KIAA0753: variants seen among roughly 807,000 people sequenced by gnomAD.
The protein encoded by KIAA0753 is protein moonraker.
In KIAA0753, 114 loss-of-function variants were observed where a neutral mutation model predicts 116.9. The ratio of observed to expected loss-of-function variants is 0.98; its 90% confidence interval spans 0.84 to 1.14. KIAA0753 has a LOEUF of 1.14. KIAA0753 is among the 50% of genes most tolerant of loss of function. The pLI is 0.00. For missense variants in KIAA0753, 1,156 were observed against 1,172.4 expected, an observed-to-expected ratio of 0.99 and a Z score of 0.20; for synonymous variants, 405 against 413.1, an observed-to-expected ratio of 0.98 and a Z score of 0.24.
Position 6,591,122 on chromosome 17 carries a change from T to C in KIAA0753, c.2441-492A>G, listed in dbSNP as rs574627590. Among the ~76,000 whole-genome samples the C allele has an allele frequency of 4.3e-3, 659 of 151,670 alleles. 3 individuals are homozygous for C. The highest frequency in any genetic ancestry group is 8.2e-3 in the Non-Finnish European group (559 of 67,768). The stretch of plus-strand genomic sequence containing the variant: ...AGAAGAAGAAGAAAACACTCACACC[T>C]GAACACTTAATTAGTTGATTTAATT... On this transcript the variant is annotated intron_variant, in intron 16 of 18. Coordinates refer to ENST00000361413, the MANE Select transcript of KIAA0753 (RefSeq NM_014804.3).
rs1481503292 is a variant in KIAA0753, at chr17:6,623,546, T to C, written c.851A>G (p.Asp284Gly). 6.2e-7 allele frequency: 1 copy of C among 1,610,808 alleles called. No homozygotes were observed. The highest frequency in any genetic ancestry group is 1.3e-5 in the African/African-American group (1 of 74,930). ...TTTAATTTTATGTGGACTCAATTTA[T>C]CCAATTCTTCCTGGATTTCTTTTAC... Reference protein sequence around the residue: ...QQVKEIQEELDKLSPHKIKHT... With the variant: ...QQVKEIQEELGKLSPHKIKHT... Residue 284 changes from aspartate to glycine, a missense_variant, in exon 5 of 19, where the codon GAT (aspartate) becomes GGT (glycine). Transcript: ENST00000361413.
Position 6,579,713 on chromosome 17 carries a change from AG to A in KIAA0753, c.*33del. 1 of 1,431,754 alleles carries A rather than the reference AG, an allele frequency of 7.0e-7. No individual in the cohort carries two copies. The highest frequency in any genetic ancestry group is 1.1e-5 in the South Asian group (1 of 87,364). 88.7% of individuals were successfully genotyped at this position (1,431,754 alleles called of 1,614,324 possible). A position where few individuals can be genotyped will look rare whatever the true frequency, so the allele number is the denominator to read the frequency against. On this transcript the variant is annotated 3_prime_UTR_variant, in exon 19 of 19. Transcript: ENST00000361413. Reference sequence around the variant, plus strand: ...CAAAGGGTGGTGCCATCCCTTCTCCAGTGTGACACAAATGGCCTCGCCTCAG... The same window carrying A: ...CAAAGGGTGGTGCCATCCCTTCTCCATGTGACACAAATGGCCTCGCCTCAG...
chr17:6,625,130 T>C (rs1971582718), intron 3 of KIAA0753, among the ~76,000 whole-genome samples: 1 of 152,240 alleles, frequency 6.6e-6, no homozygotes, highest in South Asian at 2.1e-4. Flanking sequence ...TGGACAGCGA[T>C]TTCACTATGA....
intron 12 of KIAA0753, among the ~76,000 whole-genome samples, chr17:6,604,305 G>T (rs1970057904): frequency 6.6e-6 from 1 of 150,780 alleles, no homozygotes. Context: ...GCAGTGACAT[G>T]ATCATGGCTC....
At chr17:6,593,866 C>G (rs1156587478) in intron 16 of KIAA0753, among the ~76,000 whole-genome samples, 1 of 152,134 alleles carries the variant, frequency 6.6e-6, no homozygotes, top group South Asian at 2.1e-4. Context: ...GCCTGGGGAA[C>G]AGAGTGAAAC....
At chr17:6,594,785 C>A (rs992160729) in intron 16 of KIAA0753, among the ~76,000 whole-genome samples, 187 bp downstream of exon 16, 16 of 151,896 alleles carry the variant, frequency 1.1e-4, no homozygotes, top group African/African-American at 3.1e-4. Flanking sequence ...CTTTGAAATG[C>A]GAACATAAGA....
chr17:6,626,025 G>C (rs1281669931), intron 3 of KIAA0753, among the ~76,000 whole-genome samples: 1 of 152,210 alleles, frequency 6.6e-6, no homozygotes, highest in African/African-American at 2.4e-5. Flanking sequence ...CAAAAGACAA[G>C]TCTTTTCTCT....
At chr17:6,591,885 G>A (rs1318048597) in intron 16 of KIAA0753, among the ~76,000 whole-genome samples, 1 of 152,244 alleles carries the variant, frequency 6.6e-6, no homozygotes, top group African/African-American at 2.4e-5. Context: ...GGCACAGTGA[G>A]GAACACACAA....
chr17:6,620,155 C>A (rs1482661113), intron 7 of KIAA0753, among the ~76,000 whole-genome samples: 3 of 152,120 alleles, frequency 2.0e-5, no homozygotes, highest in South Asian at 2.1e-4. Context: ...GAAGAAACGA[C>A]AACCCTCACC....
chr17:6,616,947 C>T (rs1038241615), intron 7 of KIAA0753, among the ~76,000 whole-genome samples: 4 of 152,210 alleles, frequency 2.6e-5, no homozygotes, highest in Admixed American at 1.3e-4. Flanking sequence ...TCCCAGCTTT[C>T]CTACATTTGT....
At chr17:6,590,693 G>C in intron 16 of KIAA0753, 63 bp from the exon 17 acceptor site, 1 of 1,587,506 alleles carries the variant, frequency 6.3e-7, no homozygotes, top group Non-Finnish European at 8.6e-7. Context: ...TTTTAGAGCT[G>C]TTCTAGTGGC....
chr17:6,579,735 C>T lies in KIAA0753; in HGVS notation c.*12G>A. 6.3e-7 allele frequency: 1 copy of T among 1,589,726 alleles called. No individual in the cohort carries two copies. Among genetic ancestry groups the T allele is most frequent in the Non-Finnish European group, 8.6e-7 (1 of 1,158,816 alleles). ...TCCAGTGTGACACAAATGGCCTCGC[C>T]TCAGAGAGCCTTTATGTAGCAGCCT... On this transcript the variant is annotated 3_prime_UTR_variant, in exon 19 of 19. Transcript: ENST00000361413.
chr17:6,595,591 G>C (rs1969410113), intron 15 of KIAA0753, among the ~76,000 whole-genome samples: 1 of 152,198 alleles, frequency 6.6e-6, no homozygotes, highest in Non-Finnish European at 1.5e-5. Flanking sequence ...TGAATTGAGA[G>C]TCAGGAGACC....
chr17:6,599,290 G>C lies in KIAA0753; in HGVS notation c.2119C>G (p.His707Asp). Residue 707 changes from histidine to aspartate, a missense_variant, in exon 14 of 19, where the codon CAT (histidine) becomes GAT (aspartate). Physicochemically the swap from His to Asp is moderately conservative, Grantham distance 81. Coordinates refer to ENST00000361413, the MANE Select transcript of KIAA0753 (RefSeq NM_014804.3). ...TTTACTGACGAGCCATCTTTCAAAT[G>C]AATATTTGCTTCTGTAGTAGAATTG... ...RVNSTTEANI[H>D]LKDGSSVNTA... The C allele has an allele frequency of 6.2e-7, 1 of 1,613,446 alleles. No individual in the cohort carries two copies. Among genetic ancestry groups the C allele is most frequent in the Non-Finnish European group, 8.5e-7 (1 of 1,179,506 alleles).
intron 2 of KIAA0753, among the ~76,000 whole-genome samples, chr17:6,633,685 T>C (rs575974012): frequency 5.9e-5 from 9 of 152,282 alleles, no homozygotes; most frequent in Admixed American, 2.0e-4. Flanking sequence ...ATACTCATAG[T>C]ATGGAATGAG....
At chr17:6,596,106 C>T (rs545453083) in intron 15 of KIAA0753, 52 bp downstream of exon 15, 29 of 1,555,570 alleles carry the variant, frequency 1.9e-5, no homozygotes, top group Middle Eastern at 1.9e-4. Context: ...AAATTGCACT[C>T]GGCAGAGGCC....
intron 15 of KIAA0753, among the ~76,000 whole-genome samples, chr17:6,595,419 G>A (rs1023892063): frequency 4.6e-5 from 7 of 152,234 alleles, no homozygotes; most frequent in South Asian, 2.1e-4. Flanking sequence ...TGAGCACCCC[G>A]GGCCTAGACA....
chr17:6,581,705 A>G (rs73340695), intron 18 of KIAA0753, among the ~76,000 whole-genome samples: 1,580 of 152,244 alleles, frequency 0.01, 31 homozygotes, highest in African/African-American at 0.035. Flanking sequence ...GTTTGGCCTT[A>G]TAGATTTTTA....
intron 2 of KIAA0753, 143 bp downstream of exon 2, chr17:6,634,868 G>A (rs933187904): frequency 1.8e-5 from 11 of 605,520 alleles, no homozygotes; most frequent in Non-Finnish European, 2.9e-5. Context: ...AAAGACAGAT[G>A]GTTGAGTAGG....
Sources: allele counts gnomAD v4.1 joint callset (sites outside exome capture counted in the v4.1 genomes callset), GRCh38; gene constraint gnomAD v4.1.1; transcripts MANE v1.5; gene names NCBI Gene and HGNC (gene_info 2026-07-23, HGNC 2026-07-21).